Variants in PCDHA7 observed in about 807,000 individuals in gnomAD.
PCDHA7 encodes the protein protocadherin alpha-7.
Under a neutral mutation model 57.2 loss-of-function variants are expected in PCDHA7, and 37 were observed. That is an observed-to-expected ratio of 0.65 (90% CI 0.50 to 0.85). The LOEUF (loss-of-function observed/expected upper bound fraction) is 0.85, where lower values mean the gene tolerates loss of function less well. PCDHA7 is among the 40% of genes least tolerant of loss of function. The probability of loss-of-function intolerance (pLI) is 0.00; values close to 1 mark genes in which losing one functional copy is unlikely to be tolerated. For missense variants in PCDHA7, 1,188 were observed against 1,241.8 expected (o/e 0.96, Z 0.65); for synonymous variants, 553 against 558.8 (o/e 0.99, Z 0.15).
chr5:140,984,878 C>G (rs2097124872), intron 3 of PCDHA7, among the ~76,000 whole-genome samples: 1 of 151,854 alleles, frequency 6.6e-6, no homozygotes, highest in African/African-American at 2.4e-5. Flanking sequence ...ATTGAGTTAC[C>G]ATGAGAACTA....
At chr5:140,858,079 C>T in intron 1 of PCDHA7, 5 of 1,597,852 alleles carry the variant, frequency 3.1e-6, no homozygotes, top group Non-Finnish European at 4.3e-6. Context: ...CACCCAAGGC[C>T]TCGTCGCGGG....
chr5:140,857,735 G>C (rs782288464), intron 1 of PCDHA7: 8 of 1,597,222 alleles, frequency 5.0e-6, no homozygotes, highest in South Asian at 1.1e-5. Flanking sequence ...CAACGCTCCC[G>C]CGCTGCTGGC....
At chr5:140,935,004 T>C (rs574626430) in intron 1 of PCDHA7, among the ~76,000 whole-genome samples, 1 of 152,340 alleles carries the variant, frequency 6.6e-6, no homozygotes, top group African/African-American at 2.4e-5. Flanking sequence ...ATCCTTTTCA[T>C]GTGAGTCTTA....
In PCDHA7 at chr5:140,856,768, C is replaced by G; in HGVS notation, c.2355+20030C>G. 1.3e-6 allele frequency: 2 copies of G among 1,596,818 alleles called. 1 individual carries two copies. ...TAGATGCCAATGATAACGCCCCTAT[C>G]TTTGACAGACCGGTTTATGAAGTTA... On this transcript the variant is annotated intron_variant, in intron 1 of 3. Coordinates refer to ENST00000525929, the MANE Select transcript of PCDHA7 (RefSeq NM_018910.3).
rs565095262 is a variant in PCDHA7, at chr5:140,873,057, T to C, written c.2355+36319T>C. 8.5e-4 allele frequency among the ~76,000 whole-genome samples: 129 copies of C among 152,336 alleles called. 1 individual carries two copies. Among genetic ancestry groups the C allele is most frequent in the Middle Eastern group, 3.4e-3 (1 of 294 alleles). ...TAGAGTGGTGGTATTACAGACTTTC[T>C]TGAGAATCATATCTAGCTATTTCCC... On this transcript the variant is annotated intron_variant, in intron 1 of 3. Transcript: ENST00000525929.
chr5:140,841,492 G>T, intron 1 of PCDHA7: 1 of 1,613,200 alleles, frequency 6.2e-7, no homozygotes. Flanking sequence ...TGGAGCTGGC[G>T]GAGCTGGTGC....
chr5:140,882,927 C>A, intron 1 of PCDHA7: 1 of 1,614,104 alleles, frequency 6.2e-7, no homozygotes. Context: ...GGAGGTAAAC[C>A]CGAGCTGACT....
chr5:140,871,372 G>A lies in PCDHA7; in HGVS notation c.2355+34634G>A. 7 of 1,614,234 alleles carry A rather than the reference G, an allele frequency of 4.3e-6. No homozygotes were observed. The highest frequency in any genetic ancestry group is 5.9e-6 in the Non-Finnish European group (7 of 1,180,036). On this transcript the variant is annotated intron_variant, in intron 1 of 3. Coordinates refer to ENST00000525929, the MANE Select transcript of PCDHA7 (RefSeq NM_018910.3). Reference sequence around the variant, plus strand: ...ATACTCGCAGCAGAGGCGGCAGAGGGTGTGCTCTGAGGAGGGCCCACCTAA... The same window carrying A: ...ATACTCGCAGCAGAGGCGGCAGAGGATGTGCTCTGAGGAGGGCCCACCTAA...
rs376462906 is a variant in PCDHA7, at chr5:140,873,767, TCTC to T, written c.2355+37032_2355+37034del. Among the ~76,000 whole-genome samples, 393 of 152,280 alleles carry T rather than the reference TCTC, an allele frequency of 2.6e-3. 1 individual carries two copies. The highest frequency in any genetic ancestry group is 9.2e-3 in the African/African-American group (382 of 41,558). On this transcript the variant is annotated intron_variant, in intron 1 of 3. Transcript: ENST00000525929. ...TCTCCACCTCCCATGTTCAAGCAAT[TCTC>T]CTGCCTCAGCTTTCCGAGAAGCTGG...
rs2150317144 is a variant in PCDHA7 at position 140,841,514 on chromosome 5, CG to C, written c.2355+4779del. ...GGCGGAGCTGGTGCCGCGCCTGTTC[CG>C]GGTGGCGTCCAAAAGACACCGGGAC... On this transcript the variant is annotated intron_variant, in intron 1 of 3. Transcript: ENST00000525929. 3,465 of 1,613,482 alleles carry C rather than the reference CG, an allele frequency of 2.1e-3. 25 individuals carry two copies. Among genetic ancestry groups the C allele is most frequent in the Non-Finnish European group, 2.6e-3 (3,065 of 1,179,942 alleles).
chr5:140,869,903 C>G, intron 1 of PCDHA7: 1 of 1,610,648 alleles, frequency 6.2e-7, no homozygotes. Flanking sequence ...CTAAACGCCA[C>G]AGACCGAGAC....
At chr5:140,880,258 A>G (rs1278819523) in intron 1 of PCDHA7, among the ~76,000 whole-genome samples, 3 of 152,246 alleles carry the variant, frequency 2.0e-5, no homozygotes. Flanking sequence ...GTATGTATAC[A>G]TATTTTAGTT....
chr5:140,915,283 C>T (rs1395177735), intron 1 of PCDHA7, among the ~76,000 whole-genome samples: 1 of 152,068 alleles, frequency 6.6e-6, no homozygotes, highest in African/African-American at 2.4e-5. Context: ...ATCATTTACT[C>T]TTTCTACTTA....
intron 1 of PCDHA7, among the ~76,000 whole-genome samples, chr5:140,893,943 G>C (rs550475): frequency 0.54 from 81,510 of 151,914 alleles, 22,066 homozygotes; most frequent in African/African-American, 0.61. Flanking sequence ...TGTTAATTCT[G>C]CATGACTTTA....
chr5:140,922,799 A>T (rs1188093750), intron 1 of PCDHA7, among the ~76,000 whole-genome samples: 1 of 152,264 alleles, frequency 6.6e-6, no homozygotes, highest in Non-Finnish European at 1.5e-5. Context: ...GCTTTGGAAT[A>T]CAGAAAAAGG....
rs73793515 is a variant in PCDHA7 at position 140,889,833 on chromosome 5, T to C, written c.2355+53095T>C. ...TCAGGTCATAAGAAGTCTTACAGTA[T>C]GCTTTGGTCTCTGAGAATATTTGTT... On this transcript the variant is annotated intron_variant, in intron 1 of 3. Coordinates refer to ENST00000525929, the MANE Select transcript of PCDHA7 (RefSeq NM_018910.3). Among the ~76,000 whole-genome samples, 1,245 of 152,254 alleles carry C rather than the reference T, an allele frequency of 8.2e-3. 11 individuals are homozygous for C. The highest frequency in any genetic ancestry group is 0.029 in the African/African-American group (1,203 of 41,548).
chr5:140,912,261 C>T (rs2075834049), intron 1 of PCDHA7, among the ~76,000 whole-genome samples: 2 of 152,116 alleles, frequency 1.3e-5, no homozygotes, highest in Non-Finnish European at 2.9e-5. Context: ...TTGATGACAC[C>T]CTCACAGATA....
At chr5:140,862,566 T>G in intron 1 of PCDHA7, 4 of 478,186 alleles carry the variant, frequency 8.4e-6, no homozygotes, top group South Asian at 4.9e-5. Context: ...TGAACCACAA[T>G]GCCCTGGCGT....
chr5:140,988,524 T>C (rs1338675660), intron 3 of PCDHA7, among the ~76,000 whole-genome samples: 2 of 152,212 alleles, frequency 1.3e-5, no homozygotes, highest in East Asian at 3.8e-4. Context: ...AAGTCTCTGC[T>C]GGCTCCATCC....
Sources: allele counts gnomAD v4.1 joint callset (sites outside exome capture counted in the v4.1 genomes callset), GRCh38; gene constraint gnomAD v4.1.1; transcripts MANE v1.5; gene names NCBI Gene and HGNC (gene_info 2026-07-23, HGNC 2026-07-21).